Variants in PMM2 observed in about 807,000 individuals in gnomAD.
The protein encoded by PMM2 is phosphomannomutase 2, also known as mannose-6-phosphate isomerase.
PMM2 carries 35 observed loss-of-function variants against 33.2 expected under a neutral mutation model. The ratio of observed to expected loss-of-function variants is 1.06; its 90% confidence interval spans 0.81 to 1.40. The LOEUF is 1.40. Ranked by LOEUF, PMM2 falls within the 40% of genes most tolerant of loss-of-function variation. The pLI is 0.00. For synonymous variants in PMM2, 153 were observed against 114.7 expected (o/e 1.33, Z -2.13); for missense variants, 386 against 306.0 (o/e 1.26, Z -1.95).
Position 8,804,031 on chromosome 16 carries a change from G to GTTTTTTTTTTTTT in PMM2, c.179-728_179-716dup, listed in dbSNP as rs752484926. Among the ~76,000 whole-genome samples, 108 of 87,468 alleles carry GTTTTTTTTTTTTT rather than the reference G, an allele frequency of 1.2e-3. 3 individuals carry two copies. Among genetic ancestry groups the GTTTTTTTTTTTTT allele is most frequent in the Middle Eastern group, 7.2e-3 (1 of 138 alleles). 57.4% of individuals were successfully genotyped at this position (87,468 alleles called of 152,430 possible). Reference sequence around the variant, plus strand: ...GTTTTTTGTTTTTTGGGTTTTTTTTGTTTTTTTTTTTTTTTTTTTTGACGT... The same window carrying GTTTTTTTTTTTTT: ...GTTTTTTGTTTTTTGGGTTTTTTTTGTTTTTTTTTTTTTTTTTTTTTTTTTTTTTTTTTGACGT... On this transcript the variant is annotated intron_variant, in intron 2 of 7. Coordinates refer to ENST00000268261, the MANE Select transcript of PMM2 (RefSeq NM_000303.3).
chr16:8,847,552 A>G (rs1274493159), intron 7 of PMM2, 172 bp from the exon 8 acceptor site: 10 of 625,870 alleles, frequency 1.6e-5, no homozygotes, highest in East Asian at 8.4e-5. Flanking sequence ...TCTCTTCTTA[A>G]TAACAATTGT....
At position 8,847,765 on chromosome 16, in the gene PMM2, G is replaced by A; in HGVS notation, c.681G>A (p.Met227Ile). 4.3e-6 allele frequency: 7 copies of A among 1,614,084 alleles called. No homozygotes were observed. The highest frequency in any genetic ancestry group is 5.9e-6 in the Non-Finnish European group (7 of 1,179,982). The change falls in exon 8 of 8, where the codon ATG becomes ATA. Residue 227 changes from methionine to isoleucine, a missense_variant. Coordinates refer to ENST00000268261, the MANE Select transcript of PMM2 (RefSeq NM_000303.3). ...DHEIFTDPRT[M>I]GYSVTAPEDT... ...AGATCTTCACAGACCCCAGAACCAT[G>A]GGCTACTCCGTGACAGCGCCTGAGG... is the stretch of plus-strand genomic sequence containing the variant.
intron 7 of PMM2, among the ~76,000 whole-genome samples, chr16:8,815,770 C>G (rs1277134976): frequency 6.6e-6 from 1 of 152,028 alleles, no homozygotes; most frequent in Non-Finnish European, 1.5e-5. Context: ...AGATGTGACA[C>G]CAAAAGCACA....
intron 7 of PMM2, among the ~76,000 whole-genome samples, chr16:8,845,429 T>C (rs999068190): frequency 6.6e-6 from 1 of 152,158 alleles, no homozygotes; most frequent in Non-Finnish European, 1.5e-5. Flanking sequence ...GGGGATGCGA[T>C]GGCTTGGCTT....
rs766190005 is a variant in PMM2, at chr16:8,801,850, A to C, written c.118A>C (p.Lys40Gln). 1.2e-6 allele frequency: 2 copies of C among 1,612,618 alleles called. No homozygotes were observed. ...CCTACAAAAATTGAGGCAGAAGATCAAAATCGGAGTGGTAGGCGGATCGGA... is the reference window on the plus strand; with the variant it reads ...CCTACAAAAATTGAGGCAGAAGATCCAAATCGGAGTGGTAGGCGGATCGGA... ...DFLQKLRQKI[K>Q]IGVVGGSDFE... Residue 40 changes from lysine to glutamine, a missense_variant, in exon 2 of 8, where the codon AAA becomes CAA. Lys to Gln is a moderately conservative substitution (Grantham distance 53). Coordinates refer to ENST00000268261, the MANE Select transcript of PMM2 (RefSeq NM_000303.3).
chr16:8,801,366 T>C (rs2060615322), intron 1 of PMM2, among the ~76,000 whole-genome samples: 1 of 152,186 alleles, frequency 6.6e-6, no homozygotes, highest in Non-Finnish European at 1.5e-5. Flanking sequence ...AGCTGGTAAC[T>C]TAATTGGCAT....
chr16:8,802,015 G>A, intron 2 of PMM2, 105 bp downstream of exon 2: 1 of 779,756 alleles, frequency 1.3e-6, no homozygotes, highest in Non-Finnish European at 2.2e-6. Flanking sequence ...CCATATGGCG[G>A]GCTTTCTGCT....
intron 7 of PMM2, among the ~76,000 whole-genome samples, chr16:8,821,811 A>G (rs1213725910): frequency 6.6e-6 from 1 of 152,218 alleles, no homozygotes; most frequent in Non-Finnish European, 1.5e-5. Context: ...TCACCTGATC[A>G]CTTTCAAAAC....
intron 7 of PMM2, among the ~76,000 whole-genome samples, chr16:8,826,445 T>C (rs539826860): frequency 6.6e-6 from 1 of 152,286 alleles, no homozygotes; most frequent in African/African-American, 2.4e-5. Context: ...CCAGGCCTTA[T>C]CTGGAATCTA....
At chr16:8,804,031 G>GTTTTTTGTTTTTTTTTTT (rs778630854) in intron 2 of PMM2, among the ~76,000 whole-genome samples, 1 of 87,488 alleles carries the variant, frequency 1.1e-5, no homozygotes, top group African/African-American at 4.6e-5. Flanking sequence ...GGTTTTTTTT[G>GTTTTTTGTTTTTTTTTTT]TTTTTTTTTT....
rs1384610957 is a variant in PMM2 at position 8,813,023 on chromosome 16, G to A, written c.556G>A (p.Gly186Arg). 2 of 1,613,372 alleles carry A rather than the reference G, an allele frequency of 1.2e-6. No homozygotes were observed. The highest frequency in any genetic ancestry group is 4.5e-5 in the East Asian group (2 of 44,878). The change falls in exon 7 of 8, where the codon GGA (glycine) becomes AGA (arginine). Residue 186 changes from glycine (G) to arginine (R), a missense_variant. Physicochemically the swap from Gly to Arg is moderately radical, Grantham distance 125 (BLOSUM62 -2). Coordinates refer to ENST00000268261, the MANE Select transcript of PMM2 (RefSeq NM_000303.3). Reference sequence around the variant, plus strand: ...GATCAGCTTTGATGTCTTTCCTGATGGATGGGACAAGAGATACTGTCTGCG... The same window carrying A: ...GATCAGCTTTGATGTCTTTCCTGATAGATGGGACAAGAGATACTGTCTGCG... Reference protein sequence around the residue: ...GQISFDVFPDGWDKRYCLRHV... With the variant: ...GQISFDVFPDRWDKRYCLRHV...
intron 7 of PMM2, among the ~76,000 whole-genome samples, chr16:8,837,008 T>A (rs370095375): frequency 6.6e-6 from 1 of 151,824 alleles, no homozygotes; most frequent in Non-Finnish European, 1.5e-5. Context: ...AAAAGGATTA[T>A]AGGGTGGAGG....
intron 3 of PMM2, among the ~76,000 whole-genome samples, chr16:8,805,608 T>C (rs1048415417): frequency 2.0e-5 from 3 of 151,842 alleles, no homozygotes; most frequent in Non-Finnish European, 4.4e-5. Context: ...CTTTTTTCTT[T>C]TTTCGTGGTG....
chr16:8,811,812 G>C (rs957645994), intron 6 of PMM2, 99 bp downstream of exon 6: 5 of 844,288 alleles, frequency 5.9e-6, no homozygotes, highest in Non-Finnish European at 8.3e-6. Flanking sequence ...TGCAGTTTTA[G>C]GTGGGCAGGA....
At chr16:8,803,978 C>G (rs1596485191) in intron 2 of PMM2, among the ~76,000 whole-genome samples, 1 of 149,856 alleles carries the variant, frequency 6.7e-6, no homozygotes, top group East Asian at 2.0e-4. Flanking sequence ...GTCACCGTGC[C>G]TGGCCACCAA....
intron 7 of PMM2, among the ~76,000 whole-genome samples, chr16:8,842,557 G>A (rs973847747): frequency 2.0e-5 from 3 of 152,136 alleles, no homozygotes; most frequent in Non-Finnish European, 4.4e-5. Context: ...GCAGGGGAAC[G>A]CTGAAAGAAG....
chr16:8,811,572 G>C, intron 5 of PMM2, 66 bp from the exon 6 acceptor site: 1 of 952,302 alleles, frequency 1.1e-6, no homozygotes, highest in East Asian at 2.4e-5. Flanking sequence ...TTTGTGGCCA[G>C]TAGTTAAAAC....
rs971370660 is a variant in PMM2 at position 8,826,395 on chromosome 16, C to G, written c.639+13289C>G. Among the ~76,000 whole-genome samples the G allele has an allele frequency of 3.9e-5, 6 of 152,292 alleles. 1 individual carries two copies. Among genetic ancestry groups the G allele is most frequent in the Middle Eastern group, 3.4e-3 (1 of 294 alleles). On this transcript the variant is annotated intron_variant, in intron 7 of 7. Coordinates refer to ENST00000268261, the MANE Select transcript of PMM2 (RefSeq NM_000303.3). ...AGAACTGCAGATAAAGTCTGACTCT[C>G]TCTGGCCTAGCTAGGAGTCATGGCT... is the stretch of plus-strand genomic sequence containing the variant.
chr16:8,811,130 A>G lies in PMM2; in HGVS notation c.399A>G (p.Gly133=), dbSNP rs886043741. ...RNGMLNVSPI[G]RSCSQEERIE... ...GGATGTTAAACGTGTCCCCTATTGG[A>G]AGAAGCTGCAGCCAAGAAGAACGCA... Residue 133 remains glycine (G), a synonymous_variant, in exon 5 of 8, where the codon GGA becomes GGG. Coordinates refer to ENST00000268261, the MANE Select transcript of PMM2 (RefSeq NM_000303.3). The G allele has an allele frequency of 6.3e-7, 1 of 1,578,220 alleles. No individual in the cohort carries two copies. Among genetic ancestry groups the G allele is most frequent in the Non-Finnish European group, 8.6e-7 (1 of 1,158,064 alleles).
Sources: gnomAD v4.1 joint callset for allele counts (sites outside exome capture counted in the v4.1 genomes callset) on GRCh38, gnomAD v4.1.1 for gene constraint, MANE v1.5 for transcripts, NCBI Gene and HGNC (gene_info 2026-07-23, HGNC 2026-07-21) for gene names.